Variants in CNTN4 observed in about 807,000 individuals in gnomAD.
The protein encoded by CNTN4 is contactin-4.
A neutral mutation model predicts 122.5 loss-of-function variants in CNTN4; 77 were observed. The observed-to-expected ratio is 0.63, with a 90% confidence interval of 0.52 to 0.76. The LOEUF (loss-of-function observed/expected upper bound fraction) is 0.76. CNTN4 is among the 30% of genes least tolerant of loss of function. The probability of loss-of-function intolerance (pLI) is 0.00; values close to 1 mark genes in which losing one functional copy is unlikely to be tolerated. For synonymous variants in CNTN4, 512 were observed against 447.0 expected (o/e 1.15, Z -1.83); for missense variants, 1,256 against 1,259.1 (o/e 1.00, Z 0.04).
At chr3:2,424,436 G>T (rs555119743) in intron 3 of CNTN4, among the ~76,000 whole-genome samples, 1 of 152,198 alleles carries the variant, frequency 6.6e-6, no homozygotes, top group South Asian at 2.1e-4. Context: ...TGGTATATAT[G>T]TGCCACATTT....
intron 3 of CNTN4, among the ~76,000 whole-genome samples, chr3:2,545,580 C>T (rs1311545627): frequency 1.3e-5 from 2 of 149,830 alleles, no homozygotes; most frequent in African/African-American, 4.9e-5. Context: ...TAGTTAGCTT[C>T]ACTTATTGAA....
intron 6 of CNTN4, among the ~76,000 whole-genome samples, chr3:2,750,032 A>G (rs1320955754): frequency 1.3e-5 from 2 of 152,186 alleles, no homozygotes; most frequent in African/African-American, 4.8e-5. Flanking sequence ...TTCCTCTTTA[A>G]TCATACAATT....
intron 6 of CNTN4, among the ~76,000 whole-genome samples, chr3:2,808,210 T>C (rs1340906725): frequency 7.1e-6 from 1 of 140,664 alleles, no homozygotes; most frequent in East Asian, 1.9e-4. Context: ...GATCATGAAC[T>C]GTGGTCCTTA....
intron 3 of CNTN4, among the ~76,000 whole-genome samples, chr3:2,559,970 G>A (rs1221528589): frequency 1.3e-5 from 2 of 152,296 alleles, no homozygotes; most frequent in East Asian, 1.9e-4. Flanking sequence ...AATATTTTCA[G>A]ATGAATGTTC....
intron 2 of CNTN4, among the ~76,000 whole-genome samples, chr3:2,126,883 T>C (rs2125251191): frequency 6.6e-6 from 1 of 152,242 alleles, no homozygotes; most frequent in East Asian, 1.9e-4. Context: ...GAGATTCTGA[T>C]GTGAATTCTG....
chr3:2,619,714 C>T (rs962366271), intron 4 of CNTN4, among the ~76,000 whole-genome samples: 4 of 152,126 alleles, frequency 2.6e-5, no homozygotes, highest in South Asian at 4.1e-4. Flanking sequence ...ATTTGCCTGA[C>T]GAAGAACATG....
intron 4 of CNTN4, 59 bp downstream of exon 4, chr3:2,571,617 C>T (rs2079422866): frequency 1.6e-6 from 2 of 1,235,536 alleles, no homozygotes; most frequent in Admixed American, 1.7e-5. Flanking sequence ...CACACTAATT[C>T]AAAAGTGGGC....
chr3:2,759,087 C>T (rs2090469995), intron 6 of CNTN4, among the ~76,000 whole-genome samples: 1 of 152,044 alleles, frequency 6.6e-6, no homozygotes, highest in African/African-American at 2.4e-5. Flanking sequence ...ATATATGTGG[C>T]CTTTTATAAC....
intron 4 of CNTN4, among the ~76,000 whole-genome samples, chr3:2,691,210 G>A (rs75718088): frequency 0.03 from 4,605 of 152,214 alleles, 252 homozygotes; most frequent in African/African-American, 0.1. Flanking sequence ...CCTCAAGAAC[G>A]TCTCAAAATT....
intron 13 of CNTN4, among the ~76,000 whole-genome samples, chr3:2,966,753 A>C (rs1692351643): frequency 6.6e-6 from 1 of 152,226 alleles, no homozygotes; most frequent in Admixed American, 6.5e-5. Context: ...ATATATGCCT[A>C]TTATGTACCC....
chr3:2,300,578 T>TTC (rs1176208940), intron 2 of CNTN4, among the ~76,000 whole-genome samples: 1 of 135,810 alleles, frequency 7.4e-6, no homozygotes, highest in African/African-American at 3.0e-5. Flanking sequence ...TTTTTTTTTT[T>TTC]TTTTTTTTTT....
intron 5 of CNTN4, among the ~76,000 whole-genome samples, chr3:2,743,649 A>G (rs1345951342): frequency 6.6e-6 from 1 of 152,256 alleles, no homozygotes; most frequent in East Asian, 1.9e-4. Flanking sequence ...ATTAAATTCA[A>G]CCAGCATTTA....
At chr3:2,577,177 A>C (rs930946501) in intron 4 of CNTN4, among the ~76,000 whole-genome samples, 1 of 152,004 alleles carries the variant, frequency 6.6e-6, no homozygotes, top group Non-Finnish European at 1.5e-5. Context: ...AATAAACTAA[A>C]CTGCTTGGAA....
chr3:2,587,633 C>A (rs1321250224), intron 4 of CNTN4, among the ~76,000 whole-genome samples: 1 of 152,132 alleles, frequency 6.6e-6, no homozygotes, highest in Non-Finnish European at 1.5e-5. Context: ...TTGTACCTCC[C>A]TTATGATTTC....
chr3:2,640,425 A>G (rs554420235), intron 4 of CNTN4, among the ~76,000 whole-genome samples: 1 of 152,334 alleles, frequency 6.6e-6, no homozygotes, highest in Admixed American at 6.5e-5. Flanking sequence ...GTACAGAAAT[A>G]TGTCTACCAG....
At chr3:2,480,899 CAA>C (rs1230112527) in intron 3 of CNTN4, among the ~76,000 whole-genome samples, 1 of 152,100 alleles carries the variant, frequency 6.6e-6, no homozygotes, top group East Asian at 1.9e-4. Context: ...AAAGAACAGA[CAA>C]ATAGATCAGA....
intron 6 of CNTN4, among the ~76,000 whole-genome samples, chr3:2,802,660 C>A (rs1258222419): frequency 2.6e-5 from 4 of 152,128 alleles, no homozygotes; most frequent in Non-Finnish European, 5.9e-5. Context: ...CAGAGACTCG[C>A]AGAAACCTAA....
rs1166951181 is a variant in CNTN4, at chr3:2,169,979, GAGATA to G, written c.-145+69347_-145+69351del. Among the ~76,000 whole-genome samples the G allele has an allele frequency of 2.0e-5, 3 of 152,092 alleles. No individual in the cohort carries two copies. The East Asian group carries it at 5.8e-4, about 30-fold the overall frequency. On this transcript the variant is annotated intron_variant, in intron 2 of 24. Coordinates refer to ENST00000418658, the MANE Select transcript of CNTN4 (RefSeq NM_175607.3). ...AACTAATGAGTTCACTACATGATGA[GAGATA>G]AGATAAATGAAACTAGTTATTAGCT...
At chr3:2,520,493 C>T (rs189317340) in intron 3 of CNTN4, among the ~76,000 whole-genome samples, 4 of 151,732 alleles carry the variant, frequency 2.6e-5, no homozygotes, top group East Asian at 1.9e-4. Flanking sequence ...AGGCTGGTCT[C>T]GAACTCCTGA....
Sources: gnomAD v4.1 joint callset for allele counts (sites outside exome capture counted in the v4.1 genomes callset) on GRCh38, gnomAD v4.1.1 for gene constraint, MANE v1.5 for transcripts, NCBI Gene and HGNC (gene_info 2026-07-23, HGNC 2026-07-21) for gene names.